The following ST18 variants were observed in gnomAD, a reference collection of about 807,000 sequenced individuals.
ST18 encodes suppression of tumorigenicity 18 protein.
ST18 carries 50 observed loss-of-function variants against 110.0 expected under a neutral mutation model. The ratio of observed to expected loss-of-function variants is 0.45; its 90% CI spans 0.36 to 0.58. ST18 has a LOEUF of 0.58. Among genes scored for constraint, ST18 ranks in the 20% least tolerant of loss-of-function variants. The pLI, the probability that ST18 is intolerant of heterozygous loss-of-function variation, is 0.00. For missense variants in ST18, 1,306 were observed against 1,280.1 expected (o/e 1.02, Z -0.31); for synonymous variants, 461 against 452.4 (o/e 1.02, Z -0.24).
chr8:52,156,835 A>T (rs1263858647), intron 15 of ST18, among the ~76,000 whole-genome samples: 1 of 152,214 alleles, frequency 6.6e-6, no homozygotes, highest in Non-Finnish European at 1.5e-5. Context: ...CATTTTAGCA[A>T]CTACTATGCA....
intron 2 of ST18, among the ~76,000 whole-genome samples, chr8:52,377,653 G>T (rs933023543): frequency 2.0e-5 from 3 of 152,190 alleles, no homozygotes; most frequent in Non-Finnish European, 4.4e-5. Flanking sequence ...ACTGTTGGTG[G>T]GAATGTAAAT....
In ST18 at chr8:52,143,027, G is replaced by T. The variant is rs1239156353; in HGVS notation, c.2071C>A (p.Leu691Ile). Reference sequence around the variant, plus strand: ...AACTTTTTTTCCTCTAAATTTTCTAGAGAGCTCACTGGGTCTTTCTGGAAA... The same window carrying T: ...AACTTTTTTTCCTCTAAATTTTCTATAGAGCTCACTGGGTCTTTCTGGAAA... ...EEKEKDPVSS[L>I]ENLEEKKFPG... Residue 691 changes from leucine (L) to isoleucine (I), a missense_variant, in exon 17 of 26, where the codon CTA becomes ATA. Leu to Ile is a conservative substitution (Grantham distance 5). Coordinates refer to ENST00000689386, the MANE Select transcript of ST18 (RefSeq NM_001352837.2). 1 of 1,612,040 alleles carries T rather than the reference G, an allele frequency of 6.2e-7. No individual in the cohort carries two copies. The highest frequency in any genetic ancestry group is 8.5e-7 in the Non-Finnish European group (1 of 1,178,362).
intron 2 of ST18, among the ~76,000 whole-genome samples, chr8:52,243,274 T>G (rs2137746914): frequency 6.6e-6 from 1 of 152,330 alleles, no homozygotes; most frequent in South Asian, 2.1e-4. Context: ...GGGATGAAAA[T>G]GTCTCCAGGG....
At chr8:52,186,524 A>G (rs1416845215) in intron 8 of ST18, among the ~76,000 whole-genome samples, 2 of 152,328 alleles carry the variant, frequency 1.3e-5, no homozygotes, top group East Asian at 1.9e-4. Flanking sequence ...CTAAAGGTGA[A>G]CAGATGTCTA....
intron 8 of ST18, among the ~76,000 whole-genome samples, chr8:52,203,654 T>C (rs1003259093): frequency 6.6e-6 from 1 of 152,170 alleles, no homozygotes; most frequent in Non-Finnish European, 1.5e-5. Flanking sequence ...ACTTAAAAGA[T>C]AGCAAGAAAG....
intron 2 of ST18, among the ~76,000 whole-genome samples, chr8:52,263,714 G>A (rs2094773606): frequency 6.9e-6 from 1 of 145,642 alleles, no homozygotes; most frequent in South Asian, 2.1e-4. Context: ...CAGAGTGCTG[G>A]GATTACAGGT....
At chr8:52,367,569 G>T (rs1477005450) in intron 2 of ST18, among the ~76,000 whole-genome samples, 1 of 152,174 alleles carries the variant, frequency 6.6e-6, no homozygotes, top group African/African-American at 2.4e-5. Flanking sequence ...TGTGTGTGAT[G>T]AATATTACAT....
At chr8:52,303,877 C>T (rs577916725) in intron 2 of ST18, among the ~76,000 whole-genome samples, 1 of 152,288 alleles carries the variant, frequency 6.6e-6, no homozygotes, top group South Asian at 2.1e-4. Context: ...GTACAATTGG[C>T]AGGACTTGAA....
chr8:52,284,151 G>A (rs749947876), intron 2 of ST18, among the ~76,000 whole-genome samples: 1 of 152,170 alleles, frequency 6.6e-6, no homozygotes, highest in Non-Finnish European at 1.5e-5. Flanking sequence ...TGTGCATGGA[G>A]GTGATTTTAA....
intron 2 of ST18, among the ~76,000 whole-genome samples, chr8:52,301,336 A>T (rs572242324): frequency 5.3e-5 from 8 of 152,230 alleles, no homozygotes; most frequent in Non-Finnish European, 1.2e-4. Context: ...TAGTCAAATT[A>T]AATCTAGCCA....
chr8:52,220,362 T>A (rs929946916), intron 5 of ST18, among the ~76,000 whole-genome samples: 34 of 152,232 alleles, frequency 2.2e-4, no homozygotes, highest in Admixed American at 2.2e-3. Flanking sequence ...TTTTAAAACA[T>A]TGTGCTTTTA....
intron 2 of ST18, chr8:52,405,749 T>C (rs1844255096): frequency 6.6e-6 from 1 of 152,146 alleles, no homozygotes; most frequent in African/African-American, 2.4e-5. Flanking sequence ...TAAAAGTAGA[T>C]TCTTAAAAAT....
At chr8:52,152,762 C>G (rs1034466931) in intron 15 of ST18, among the ~76,000 whole-genome samples, 1 of 152,140 alleles carries the variant, frequency 6.6e-6, no homozygotes, top group Admixed American at 6.5e-5. Flanking sequence ...GAAGGTTGAA[C>G]TAATTACTCA....
chr8:52,299,696 A>C (rs2095687577), intron 2 of ST18, among the ~76,000 whole-genome samples: 1 of 152,322 alleles, frequency 6.6e-6, no homozygotes, highest in Non-Finnish European at 1.5e-5. Context: ...CAATCACCTG[A>C]AAGTAGTATC....
At chr8:52,127,891 T>C (rs2047685255) in intron 22 of ST18, among the ~76,000 whole-genome samples, 1 of 152,124 alleles carries the variant, frequency 6.6e-6, no homozygotes, top group Non-Finnish European at 1.5e-5. Flanking sequence ...GCTGAGGTAT[T>C]TGGCTCCATA....
At chr8:52,400,144 C>T (rs952532448) in intron 2 of ST18, among the ~76,000 whole-genome samples, 3 of 152,014 alleles carry the variant, frequency 2.0e-5, no homozygotes, top group African/African-American at 7.2e-5. Context: ...TAGGTTAGCC[C>T]TTTTACCATT....
At chr8:52,189,002 C>T (rs1022337306) in intron 8 of ST18, among the ~76,000 whole-genome samples, 4 of 152,128 alleles carry the variant, frequency 2.6e-5, no homozygotes, top group Non-Finnish European at 4.4e-5. Flanking sequence ...AGAATCTGGA[C>T]CTTTTGATTG....
At chr8:52,192,260 A>G (rs1307038728) in intron 8 of ST18, among the ~76,000 whole-genome samples, 1 of 152,192 alleles carries the variant, frequency 6.6e-6, no homozygotes, top group African/African-American at 2.4e-5. Flanking sequence ...CAACCACTGG[A>G]CCTTTCCACT....
At chr8:52,375,854 G>T (rs1832148532) in intron 2 of ST18, among the ~76,000 whole-genome samples, 2 of 151,982 alleles carry the variant, frequency 1.3e-5, no homozygotes, top group South Asian at 4.2e-4. Flanking sequence ...CTCTTCACCA[G>T]CTCCACCCAC....
Sources: allele counts gnomAD v4.1 joint callset (sites outside exome capture counted in the v4.1 genomes callset), GRCh38; gene constraint gnomAD v4.1.1; transcripts MANE v1.5; gene names NCBI Gene and HGNC (gene_info 2026-07-23, HGNC 2026-07-21).